GRID2: variants seen among roughly 807,000 people sequenced by gnomAD.
The protein encoded by GRID2 is glutamate receptor ionotropic, delta-2.
Under a neutral mutation model 114.8 loss-of-function variants are expected in GRID2, and 33 were observed. The observed-to-expected ratio is 0.29, with a 90% CI of 0.22 to 0.38. GRID2 has a LOEUF of 0.38. Ranked by LOEUF, GRID2 falls within the 10% of genes least tolerant of loss-of-function variation. GRID2 has a pLI of 1.00. For missense variants in GRID2, 1,184 were observed against 1,257.7 expected (o/e 0.94, Z 0.89); for synonymous variants, 505 against 449.9 (o/e 1.12, Z -1.55).
intron 1 of GRID2, among the ~76,000 whole-genome samples, chr4:92,545,944 GC>G (rs1726233158): frequency 6.6e-6 from 1 of 152,042 alleles, no homozygotes; most frequent in Non-Finnish European, 1.5e-5. Context: ...TTTCCTCAAT[GC>G]AACTTTATTC....
intron 1 of GRID2, among the ~76,000 whole-genome samples, chr4:92,452,714 G>A (rs1579390314): frequency 6.6e-6 from 1 of 151,846 alleles, no homozygotes; most frequent in African/African-American, 2.4e-5. Flanking sequence ...ATAACAATTT[G>A]TGAGAACTTG....
At chr4:93,312,577 A>C (rs1381333488) in intron 8 of GRID2, among the ~76,000 whole-genome samples, 2 of 152,176 alleles carry the variant, frequency 1.3e-5, no homozygotes, top group African/African-American at 4.8e-5. Context: ...TCAACCCATC[A>C]AGGAAGTAGT....
intron 2 of GRID2, among the ~76,000 whole-genome samples, chr4:92,794,455 C>T (rs1237156254): frequency 6.6e-6 from 1 of 151,684 alleles, no homozygotes; most frequent in East Asian, 2.0e-4. Context: ...AATACCAAAA[C>T]AAGATTCTCT....
chr4:93,487,255 C>T (rs771709413), intron 11 of GRID2, among the ~76,000 whole-genome samples: 5 of 151,738 alleles, frequency 3.3e-5, no homozygotes, highest in Non-Finnish European at 7.4e-5. Flanking sequence ...GTCAGATCAA[C>T]CTTTTAATTG....
chr4:92,918,418 C>G (rs1051845753), intron 2 of GRID2, among the ~76,000 whole-genome samples: 2 of 152,084 alleles, frequency 1.3e-5, no homozygotes, highest in African/African-American at 4.8e-5. Context: ...GAGGGCATCC[C>G]TGTCTTGTAC....
At chr4:92,514,844 C>G (rs1311586562) in intron 1 of GRID2, among the ~76,000 whole-genome samples, 1 of 151,978 alleles carries the variant, frequency 6.6e-6, no homozygotes, top group Admixed American at 6.6e-5. Context: ...CCTTTGATCA[C>G]AAAGTTACCC....
chr4:93,122,686 TG>T (rs1324125250), intron 4 of GRID2, among the ~76,000 whole-genome samples: 5 of 151,896 alleles, frequency 3.3e-5, no homozygotes, highest in African/African-American at 4.8e-5. Context: ...TTTTTACAAT[TG>T]CATGGAATTG....
At chr4:93,589,399 T>G (rs1277529579) in intron 13 of GRID2, among the ~76,000 whole-genome samples, 1 of 151,868 alleles carries the variant, frequency 6.6e-6, no homozygotes, top group Non-Finnish European at 1.5e-5. Flanking sequence ...TTTTTATGGC[T>G]GCATAGTATT....
At chr4:93,717,810 T>C (rs181966564) in intron 14 of GRID2, among the ~76,000 whole-genome samples, 1 of 152,208 alleles carries the variant, frequency 6.6e-6, no homozygotes, top group Non-Finnish European at 1.5e-5. Context: ...TGTTAGAATA[T>C]AGGCAGTTGA....
In GRID2 at chr4:92,603,670, G is replaced by A. The variant is rs545906487; in HGVS notation, c.244+13384G>A. ...AGAAAACGCCCAAAGCAATTGCAACGAAAGCAGAATTTGACAAATAAATAT... is the reference window on the plus strand; with the variant it reads ...AGAAAACGCCCAAAGCAATTGCAACAAAAGCAGAATTTGACAAATAAATAT... On this transcript the variant is annotated intron_variant, in intron 2 of 15. Transcript: ENST00000282020. Among the ~76,000 whole-genome samples the A allele has an allele frequency of 3.3e-4, 50 of 152,078 alleles. No individual in the cohort carries two copies. The South Asian group carries it at 3.5e-3, about 11-fold the overall frequency.
intron 2 of GRID2, among the ~76,000 whole-genome samples, chr4:92,914,697 T>G (rs1487238105): frequency 6.6e-6 from 1 of 152,250 alleles, no homozygotes; most frequent in East Asian, 1.9e-4. Context: ...TATATTAGTT[T>G]GCTAAGGATA....
At chr4:93,790,562 T>G (rs564506624) in intron 1 of GRID2, among the ~76,000 whole-genome samples, 4 of 151,862 alleles carry the variant, frequency 2.6e-5, no homozygotes, top group African/African-American at 7.2e-5. Context: ...TTTTTTTTTT[T>G]TGTGAGACAG....
intron 8 of GRID2, among the ~76,000 whole-genome samples, chr4:93,260,308 G>C (rs1750112834): frequency 6.6e-6 from 1 of 151,276 alleles, no homozygotes; most frequent in Non-Finnish European, 1.5e-5. Context: ...AAATAATAAA[G>C]TTTCTTAATG....
At chr4:93,079,720 C>CTT (rs1292573572) in intron 2 of GRID2, among the ~76,000 whole-genome samples, 1 of 151,976 alleles carries the variant, frequency 6.6e-6, no homozygotes, top group Non-Finnish European at 1.5e-5. Context: ...AATAAGGTGA[C>CTT]TTATAATATG....
At chr4:92,472,251 A>G (rs1316981090) in intron 1 of GRID2, among the ~76,000 whole-genome samples, 1 of 152,006 alleles carries the variant, frequency 6.6e-6, no homozygotes, top group Non-Finnish European at 1.5e-5. Context: ...TATTTCTATG[A>G]ATGTCAATAG....
At chr4:92,611,889 A>G (rs1729762954) in intron 2 of GRID2, among the ~76,000 whole-genome samples, 1 of 151,482 alleles carries the variant, frequency 6.6e-6, no homozygotes. Context: ...TAATCTTGAT[A>G]AGAGTTTTTT....
intron 2 of GRID2, among the ~76,000 whole-genome samples, chr4:92,691,505 G>T (rs1649816382): frequency 6.6e-6 from 1 of 152,150 alleles, no homozygotes; most frequent in Non-Finnish European, 1.5e-5. Flanking sequence ...TTGGTCAGAT[G>T]TATGCAAGCA....
intron 2 of GRID2, among the ~76,000 whole-genome samples, chr4:92,910,042 G>A (rs1748251800): frequency 6.6e-6 from 1 of 151,960 alleles, no homozygotes; most frequent in Non-Finnish European, 1.5e-5. Flanking sequence ...AGGAGGAAAG[G>A]ATTTCCAGGC....
chr4:92,967,577 T>C (rs896528390), intron 2 of GRID2, among the ~76,000 whole-genome samples: 1 of 151,902 alleles, frequency 6.6e-6, no homozygotes, highest in Non-Finnish European at 1.5e-5. Flanking sequence ...CTTTATTGTA[T>C]TCTGTACTAC....
Sources: allele counts gnomAD v4.1 joint callset (sites outside exome capture counted in the v4.1 genomes callset), GRCh38; gene constraint gnomAD v4.1.1; transcripts MANE v1.5; gene names NCBI Gene and HGNC (gene_info 2026-07-23, HGNC 2026-07-21).